CLXN: variants seen among roughly 807,000 people sequenced by gnomAD.
CLXN encodes the protein EF-hand calcium binding domain 1.
chr8:48,714,086 C>A, the CLXN span: 7 of 152,292 alleles, frequency 4.6e-5, no homozygotes, highest in African/African-American at 1.4e-4. Flanking sequence ...AACCCACCCC[C>A]CCGACAAACC....
At chr8:48,713,515 T>C in the CLXN span, 1 of 152,142 alleles carries the variant, frequency 6.6e-6, no homozygotes, top group Non-Finnish European at 1.5e-5. Context: ...AGTTTCAAAG[T>C]AATTGATTTG....
At chr8:48,729,871 T>C in the CLXN span, 1 of 1,600,072 alleles carries the variant, frequency 6.2e-7, no homozygotes, top group East Asian at 2.2e-5. Context: ...TTCAAAGCAA[T>C]CTTTTTAAGA....
chr8:48,727,311 G>A, the CLXN span, among the ~76,000 whole-genome samples: 11 of 152,226 alleles, frequency 7.2e-5, no homozygotes, highest in South Asian at 2.3e-3. Flanking sequence ...GGGAAACACA[G>A]TGAAACAAAG....
the CLXN span, among the ~76,000 whole-genome samples, chr8:48,719,156 C>A: frequency 1.3e-5 from 2 of 151,768 alleles, no homozygotes. Context: ...TTACTATGCC[C>A]AAATTGGATA....
At chr8:48,715,288 A>G in the CLXN span, 5 of 152,206 alleles carry the variant, frequency 3.3e-5, no homozygotes, top group East Asian at 9.6e-4. Flanking sequence ...AAGATGATAC[A>G]CTAGGAGATC....
chr8:48,733,982 C>T, the CLXN span, among the ~76,000 whole-genome samples: 1 of 152,034 alleles, frequency 6.6e-6, no homozygotes, highest in African/African-American at 2.4e-5. Context: ...AGAACAAAAC[C>T]CTCATCAGAG....
chr8:48,727,811 A>G, the CLXN span, among the ~76,000 whole-genome samples: 2 of 152,218 alleles, frequency 1.3e-5, no homozygotes, highest in Non-Finnish European at 2.9e-5. Flanking sequence ...GCTAGGTAAC[A>G]TATAACAGTG....
the CLXN span, chr8:48,714,093 A>G: frequency 2.6e-5 from 4 of 152,196 alleles, no homozygotes; most frequent in Non-Finnish European, 4.4e-5. Flanking sequence ...CCCCCCGACA[A>G]ACCCAGGCAA....
At chr8:48,731,467 A>G in the CLXN span, 8 of 1,613,172 alleles carry the variant, frequency 5.0e-6, no homozygotes, top group East Asian at 2.2e-5. Context: ...CAAGTCATAA[A>G]AAAGCTTTAT....
the CLXN span, among the ~76,000 whole-genome samples, chr8:48,716,695 G>T: frequency 1.3e-5 from 2 of 152,008 alleles, no homozygotes; most frequent in Non-Finnish European, 2.9e-5. Context: ...CTTAAGAACA[G>T]ATTCAATGAA....
chr8:48,729,961 G>A, the CLXN span: 1 of 1,279,576 alleles, frequency 7.8e-7, no homozygotes, highest in African/African-American at 1.5e-5. Flanking sequence ...GTTCTATCTT[G>A]ATGCTGTACC....
At chr8:48,715,952 T>C in the CLXN span, 1 of 152,252 alleles carries the variant, frequency 6.6e-6, no homozygotes, top group African/African-American at 2.4e-5. Context: ...AGAAGCTTAG[T>C]AAGCTGTAAG....
chr8:48,718,838 CT>C, the CLXN span, among the ~76,000 whole-genome samples: 1 of 151,924 alleles, frequency 6.6e-6, no homozygotes, highest in East Asian at 1.9e-4. Flanking sequence ...TAAATGTCTA[CT>C]TTAAAAAAGA....
chr8:48,722,574 A>ATG, the CLXN span, among the ~76,000 whole-genome samples: 1 of 152,174 alleles, frequency 6.6e-6, no homozygotes, highest in African/African-American at 2.4e-5. Flanking sequence ...ATATATGTAT[A>ATG]TGTGTGTGTG....
chr8:48,724,850 A>G, the CLXN span: 1 of 1,494,566 alleles, frequency 6.7e-7, no homozygotes, highest in South Asian at 1.2e-5. Context: ...AAAAGGTAGA[A>G]CACCACAAAA....
the CLXN span, among the ~76,000 whole-genome samples, chr8:48,722,580 G>A: frequency 6.6e-6 from 1 of 152,126 alleles, no homozygotes; most frequent in Non-Finnish European, 1.5e-5. Context: ...GTATATGTGT[G>A]TGTGTATATA....
the CLXN span, among the ~76,000 whole-genome samples, chr8:48,732,414 G>A: frequency 6.6e-6 from 1 of 152,122 alleles, no homozygotes; most frequent in Non-Finnish European, 1.5e-5. Flanking sequence ...CTAGAGGTCA[G>A]TACAGGCATT....
chr8:48,733,960 A>G, the CLXN span, among the ~76,000 whole-genome samples: 1 of 152,234 alleles, frequency 6.6e-6, no homozygotes. Flanking sequence ...GTGTTTTAAG[A>G]AAAACAATAA....
the CLXN span, among the ~76,000 whole-genome samples, chr8:48,726,462 T>C: frequency 7.6e-6 from 1 of 131,786 alleles, no homozygotes; most frequent in African/African-American, 3.0e-5. Context: ...ACCTCACCCA[T>C]CAATCCATCT....
Sources: gnomAD v4.1 joint callset for allele counts (sites outside exome capture counted in the v4.1 genomes callset) on GRCh38, gnomAD v4.1.1 for gene constraint, MANE v1.5 for transcripts, NCBI Gene and HGNC (gene_info 2026-07-23, HGNC 2026-07-21) for gene names.